The following PTPN13 variants were observed in gnomAD, a reference collection of about 807,000 sequenced individuals.
PTPN13 encodes protein tyrosine phosphatase non-receptor type 13, also known as tyrosine-protein phosphatase non-receptor type 13.
A neutral mutation model predicts 284.0 loss-of-function variants in PTPN13; 191 were observed. The observed-to-expected ratio is 0.67, with a 90% confidence interval of 0.60 to 0.76. PTPN13 has a LOEUF of 0.76. Ranked by LOEUF, PTPN13 falls within the 30% of genes least tolerant of loss-of-function variation. PTPN13 has a pLI of 0.00. For synonymous variants in PTPN13, 986 were observed against 1,022.3 expected (o/e 0.96, Z 0.68); for missense variants, 2,797 against 2,939.9 (o/e 0.95, Z 1.12).
At position 86,750,529 on chromosome 4, in the gene PTPN13, G is replaced by A. The variant is rs748397232; in HGVS notation, c.2710G>A (p.Gly904Arg). ...AGAGTCTGTTAGAGGATTTAATATG[G>A]GACGAGCAATCAGCACTGGCAGTCT... ...QAESVRGFNM[G>R]RAISTGSLAS... The change falls in exon 18 of 48, where the codon GGA becomes AGA. Residue 904 changes from glycine to arginine, a missense_variant. Coordinates refer to ENST00000411767, the MANE Select transcript of PTPN13 (RefSeq NM_080683.3). 2 of 1,613,840 alleles carry A rather than the reference G, an allele frequency of 1.2e-6. No individual in the cohort carries two copies. Among genetic ancestry groups the A allele is most frequent in the South Asian group, 1.1e-5 (1 of 91,078 alleles).
intron 32 of PTPN13, 107 bp from the exon 33 acceptor site, chr4:86,774,264 CCT>C (rs1456156301): frequency 1.0e-5 from 11 of 1,088,900 alleles, no homozygotes; most frequent in Non-Finnish European, 1.2e-5. Context: ...AGTTAAGTAA[CCT>C]TTTAAGGTTT....
chr4:86,615,929 G>A (rs1432988459), intron 1 of PTPN13, among the ~76,000 whole-genome samples: 6 of 152,182 alleles, frequency 3.9e-5, no homozygotes, highest in Non-Finnish European at 7.3e-5. Flanking sequence ...GAACTTTAAG[G>A]AGTATTCCAG....
At chr4:86,759,155 AT>A in intron 23 of PTPN13, 82 bp downstream of exon 23, 1 of 1,423,898 alleles carries the variant, frequency 7.0e-7, no homozygotes, top group Non-Finnish European at 9.5e-7. Flanking sequence ...ACAAAAATGG[AT>A]TCATTGTGTA....
intron 1 of PTPN13, 68 bp downstream of exon 1, chr4:86,594,857 T>G (rs1001684863): frequency 1.3e-5 from 2 of 152,388 alleles, no homozygotes; most frequent in Non-Finnish European, 2.9e-5. Flanking sequence ...TACATTGCGC[T>G]CGTTCTCTTC....
chr4:86,772,763 T>A lies in PTPN13; in HGVS notation c.5169-15T>A. The A allele has an allele frequency of 6.3e-7, 1 of 1,579,232 alleles. No individual in the cohort carries two copies. On this transcript the variant is annotated splice_polypyrimidine_tract_variant and intron_variant, in intron 31 of 47. Coordinates refer to ENST00000411767, the MANE Select transcript of PTPN13 (RefSeq NM_080683.3). ...AAATGTATTTAAAAATAGTCTTACT[T>A]CTTTGTCTCTGTAGTAATCCTTCCC...
intron 42 of PTPN13, among the ~76,000 whole-genome samples, chr4:86,803,329 G>A (rs1016124682): frequency 6.6e-5 from 10 of 151,696 alleles, no homozygotes; most frequent in African/African-American, 2.2e-4. Flanking sequence ...AGTGGCTCAC[G>A]TCTGTTATCC....
chr4:86,704,605 T>G (rs751101308), intron 7 of PTPN13, among the ~76,000 whole-genome samples: 5 of 152,202 alleles, frequency 3.3e-5, no homozygotes, highest in Non-Finnish European at 7.3e-5. Flanking sequence ...AAAAGGTAAT[T>G]ACGTATTTGA....
chr4:86,608,224 G>A (rs1461867293), intron 1 of PTPN13, among the ~76,000 whole-genome samples: 1 of 152,058 alleles, frequency 6.6e-6, no homozygotes, highest in African/African-American at 2.4e-5. Context: ...TGTATAGGGA[G>A]AACCAACCTA....
chr4:86,631,833 A>G (rs1179509013), intron 1 of PTPN13, among the ~76,000 whole-genome samples: 13 of 152,156 alleles, frequency 8.5e-5, no homozygotes, highest in Admixed American at 7.9e-4. Flanking sequence ...TTTTTTATTT[A>G]TAGGGAATAA....
chr4:86,802,753 AAAT>A (rs1744173277), intron 42 of PTPN13, among the ~76,000 whole-genome samples: 1 of 151,922 alleles, frequency 6.6e-6, no homozygotes, highest in Non-Finnish European at 1.5e-5. Flanking sequence ...GTTTTGGGGG[AAAT>A]ATTATTAGTT....
At chr4:86,625,989 C>T (rs896087860) in intron 1 of PTPN13, among the ~76,000 whole-genome samples, 5 of 152,114 alleles carry the variant, frequency 3.3e-5, no homozygotes, top group African/African-American at 4.8e-5. Flanking sequence ...TAACATAAGT[C>T]TGTAGGTAGC....
intron 1 of PTPN13, among the ~76,000 whole-genome samples, chr4:86,619,911 G>C (rs1422185445): frequency 6.6e-6 from 1 of 151,874 alleles, no homozygotes; most frequent in Non-Finnish European, 1.5e-5. Context: ...GCACAGGCAG[G>C]CCACACTCTT....
intron 43 of PTPN13, among the ~76,000 whole-genome samples, chr4:86,804,568 G>T (rs893461224): frequency 2.6e-5 from 4 of 152,136 alleles, no homozygotes; most frequent in Non-Finnish European, 5.9e-5. Context: ...CAAGTTCTTA[G>T]ATTTAAATGT....
intron 6 of PTPN13, among the ~76,000 whole-genome samples, chr4:86,699,302 C>T (rs1053148971): frequency 1.3e-5 from 2 of 151,912 alleles, no homozygotes; most frequent in African/African-American, 2.4e-5. Context: ...GGGAGAATGG[C>T]GTGAACCTGG....
intron 10 of PTPN13, among the ~76,000 whole-genome samples, chr4:86,731,391 A>T (rs1471287757): frequency 6.6e-6 from 1 of 152,242 alleles, no homozygotes. Flanking sequence ...TCATAGATTG[A>T]GAAGCACTAA....
chr4:86,697,751 G>C (rs1024740260), intron 6 of PTPN13, among the ~76,000 whole-genome samples: 8 of 152,104 alleles, frequency 5.3e-5, no homozygotes, highest in African/African-American at 9.7e-5. Flanking sequence ...TTTTAATATT[G>C]AAATGCCATT....
chr4:86,652,907 A>G (rs1173807257), intron 2 of PTPN13, among the ~76,000 whole-genome samples: 1 of 149,794 alleles, frequency 6.7e-6, no homozygotes. Context: ...TATTTTCCAG[A>G]TCTCGTAGCC....
intron 1 of PTPN13, among the ~76,000 whole-genome samples, chr4:86,605,483 T>C (rs1461920085): frequency 6.6e-6 from 1 of 151,862 alleles, no homozygotes; most frequent in East Asian, 1.9e-4. Flanking sequence ...GAAAGAATCA[T>C]CTCCTTTTAT....
rs1389246873 is a variant in PTPN13, at chr4:86,722,259, T to A, written c.1433T>A (p.Ile478Asn). 1 of 1,613,574 alleles carries A rather than the reference T, an allele frequency of 6.2e-7. No individual in the cohort carries two copies. Among genetic ancestry groups the A allele is most frequent in the South Asian group, 1.1e-5 (1 of 91,054 alleles). ...PFEGNLINQE[I>N]MLKRQEEELM... ...GAAGGCAACTTAATTAATCAAGAGATCATGCTAAAACGGCAAGAGGAAGAA... is the reference window on the plus strand; with the variant it reads ...GAAGGCAACTTAATTAATCAAGAGAACATGCTAAAACGGCAAGAGGAAGAA... Residue 478 changes from isoleucine to asparagine, a missense_variant, in exon 10 of 48, where the codon ATC (isoleucine) becomes AAC (asparagine). Transcript: ENST00000411767.
Sources: gnomAD v4.1 joint callset for allele counts (sites outside exome capture counted in the v4.1 genomes callset) on GRCh38, gnomAD v4.1.1 for gene constraint, MANE v1.5 for transcripts, NCBI Gene and HGNC (gene_info 2026-07-23, HGNC 2026-07-21) for gene names.